TRPS1: variants seen among roughly 807,000 people sequenced by gnomAD.
TRPS1 encodes transcriptional repressor GATA binding 1, also known as zinc finger transcription factor Trps1.
Under a neutral mutation model 101.2 loss-of-function variants are expected in TRPS1, and 6 were observed. The ratio of observed to expected loss-of-function variants is 0.06; its 90% CI spans 0.03 to 0.12. The LOEUF is 0.12. Ranked by LOEUF, TRPS1 falls within the 10% of genes least tolerant of loss-of-function variation. The pLI, the probability that TRPS1 is intolerant of heterozygous loss-of-function variation, is 1.00. For missense variants in TRPS1, 1,363 were observed against 1,567.0 expected, an observed-to-expected ratio of 0.87 and a Z score of 2.20; for synonymous variants, 578 against 589.8, an observed-to-expected ratio of 0.98 and a Z score of 0.29.
At chr8:115,625,261 C>A (rs4484726) in intron 1 of TRPS1, among the ~76,000 whole-genome samples, 11,712 of 151,864 alleles carry the variant, frequency 0.077, 1,459 homozygotes, top group African/African-American at 0.26. Context: ...AGTTTCTACA[C>A]CTGATTTAAA....
At chr8:115,491,445 C>T (rs934203013) in intron 5 of TRPS1, among the ~76,000 whole-genome samples, 1 of 152,060 alleles carries the variant, frequency 6.6e-6, no homozygotes, top group African/African-American at 2.4e-5. Context: ...TTGGCTTAAA[C>T]CTGAGAGTCT....
rs149141681 is a variant in TRPS1, at chr8:115,472,054, G to A, written c.2701-53602C>T. Reference sequence around the variant, plus strand: ...TCTACCATTCTGGGGTCTAGAGGACGATGGCCTTTTTCTCACAGCTCCACT... The same window carrying A: ...TCTACCATTCTGGGGTCTAGAGGACAATGGCCTTTTTCTCACAGCTCCACT... On this transcript the variant is annotated intron_variant, in intron 5 of 6. Transcript: ENST00000395715. 3.4e-3 allele frequency among the ~76,000 whole-genome samples: 511 copies of A among 152,300 alleles called. 2 individuals carry two copies. The highest frequency in any genetic ancestry group is 5.0e-3 in the Non-Finnish European group (342 of 68,024).
At chr8:115,636,588 A>G (rs1009661680) in intron 1 of TRPS1, among the ~76,000 whole-genome samples, 1 of 152,236 alleles carries the variant, frequency 6.6e-6, no homozygotes, top group Non-Finnish European at 1.5e-5. Flanking sequence ...CAAAATGAGC[A>G]GTGTAAACAG....
At position 115,411,118 on chromosome 8, in the gene TRPS1, CA is replaced by C. The variant is rs1812779294; in HGVS notation, c.*2904del. 6.6e-6 allele frequency: 1 copy of C among 151,480 alleles called. No individual in the cohort carries two copies. The highest frequency in any genetic ancestry group is 2.1e-4 in the South Asian group (1 of 4,818). The allele number at this position is 151,480 out of a possible 1,614,324, so 9.4% of individuals were successfully genotyped here. The stretch of plus-strand genomic sequence containing the variant: ...ACCAAAATATGTATAATAATGAAAG[CA>C]AAAAATGAAAATAAAATTATCAATA... On this transcript the variant is annotated 3_prime_UTR_variant, in exon 7 of 7. Transcript: ENST00000395715.
chr8:115,640,983 A>C (rs541374025), intron 1 of TRPS1, among the ~76,000 whole-genome samples: 1 of 152,278 alleles, frequency 6.6e-6, no homozygotes, highest in African/African-American at 2.4e-5. Flanking sequence ...TTTACTACCT[A>C]ACTTGGGGGT....
At chr8:115,605,210 T>C (rs1818009905) in intron 3 of TRPS1, among the ~76,000 whole-genome samples, 2 of 152,208 alleles carry the variant, frequency 1.3e-5, no homozygotes, top group African/African-American at 4.8e-5. Flanking sequence ...CATTATGTTA[T>C]ACACTGTAGG....
At chr8:115,632,629 T>C (rs1818672671) in intron 1 of TRPS1, among the ~76,000 whole-genome samples, 2 of 152,146 alleles carry the variant, frequency 1.3e-5, no homozygotes, top group Non-Finnish European at 2.9e-5. Context: ...TACCTGTTCA[T>C]ACAACAGAAT....
chr8:115,650,075 C>T (rs191973647), intron 1 of TRPS1, among the ~76,000 whole-genome samples: 1 of 152,270 alleles, frequency 6.6e-6, no homozygotes, highest in Non-Finnish European at 1.5e-5. Context: ...CTAAATTTCG[C>T]CTACTCACTT....
At chr8:115,594,516 TA>T (rs1223038923) in intron 4 of TRPS1, among the ~76,000 whole-genome samples, 1 of 152,054 alleles carries the variant, frequency 6.6e-6, no homozygotes, top group East Asian at 1.9e-4. Flanking sequence ...AAATTTTGAT[TA>T]AAAAACTAAA....
chr8:115,486,254 G>T lies in TRPS1; in HGVS notation c.2701-67802C>A, dbSNP rs188567083. Among the ~76,000 whole-genome samples, 252 of 152,166 alleles carry T rather than the reference G, an allele frequency of 1.7e-3. 1 individual carries two copies. The highest frequency in any genetic ancestry group is 5.8e-3 in the African/African-American group (242 of 41,510). Reference sequence around the variant, plus strand: ...TATTGTAATTGTTTCAGTGTGCTACGAACCACACTCATAAGGTAGCGTACT... The same window carrying T: ...TATTGTAATTGTTTCAGTGTGCTACTAACCACACTCATAAGGTAGCGTACT... On this transcript the variant is annotated intron_variant, in intron 5 of 6. Transcript: ENST00000395715.
At chr8:115,632,187 T>C (rs983391150) in intron 1 of TRPS1, among the ~76,000 whole-genome samples, 130 of 152,262 alleles carry the variant, frequency 8.5e-4, no homozygotes, top group African/African-American at 2.9e-3. Context: ...GAACATCATA[T>C]GGTATGTAAT....
At chr8:115,553,995 T>C (rs1816761233) in intron 5 of TRPS1, among the ~76,000 whole-genome samples, 1 of 152,188 alleles carries the variant, frequency 6.6e-6, no homozygotes, top group African/African-American at 2.4e-5. Flanking sequence ...CACTTACTTT[T>C]TTCCAAAAAT....
In TRPS1 at chr8:115,421,651, A is replaced by C. The variant is rs111425695; in HGVS notation, c.2701-3199T>G. On this transcript the variant is annotated intron_variant, in intron 5 of 6. Transcript: ENST00000395715. ...ACATGAAGTTACCTCCCATCTAAAC[A>C]AATTTAGTACTTTGGTAAGCCTAGT... Among the ~76,000 whole-genome samples, 625 of 152,328 alleles carry C rather than the reference A, an allele frequency of 4.1e-3. 5 individuals carry two copies. The highest frequency in any genetic ancestry group is 0.013 in the African/African-American group (557 of 41,570).
intron 5 of TRPS1, among the ~76,000 whole-genome samples, chr8:115,544,462 G>A (rs1200692228): frequency 6.6e-6 from 1 of 151,872 alleles, no homozygotes; most frequent in Non-Finnish European, 1.5e-5. Flanking sequence ...CATCTGCTGA[G>A]GATGTTGCTA....
At chr8:115,430,244 C>T (rs1372401840) in intron 5 of TRPS1, among the ~76,000 whole-genome samples, 1 of 152,110 alleles carries the variant, frequency 6.6e-6, no homozygotes, top group Non-Finnish European at 1.5e-5. Flanking sequence ...CCTACTTTCT[C>T]TGTATAGGTA....
At chr8:115,617,051 C>T (rs763565762) in intron 3 of TRPS1, among the ~76,000 whole-genome samples, 30 of 152,260 alleles carry the variant, frequency 2.0e-4, no homozygotes, top group African/African-American at 4.3e-4. Context: ...GATTAGCATT[C>T]GATCTACAAG....
intron 1 of TRPS1, among the ~76,000 whole-genome samples, chr8:115,646,889 A>G (rs1819036347): frequency 6.6e-6 from 1 of 152,196 alleles, no homozygotes; most frequent in Non-Finnish European, 1.5e-5. Context: ...TTTAAATACT[A>G]TAACTTATGA....
chr8:115,469,796 T>C (rs1393769294), intron 5 of TRPS1, among the ~76,000 whole-genome samples: 1 of 152,178 alleles, frequency 6.6e-6, no homozygotes, highest in African/African-American at 2.4e-5. Flanking sequence ...CCCAAAGTGC[T>C]GGGATTACAA....
At chr8:115,618,966 T>A (rs898756239) in intron 3 of TRPS1, among the ~76,000 whole-genome samples, 166 bp downstream of exon 3, 3 of 152,234 alleles carry the variant, frequency 2.0e-5, no homozygotes, top group Non-Finnish European at 4.4e-5. Flanking sequence ...TTTAGACAAC[T>A]CTGAATATAC....
Sources: allele counts gnomAD v4.1 joint callset (sites outside exome capture counted in the v4.1 genomes callset), GRCh38; gene constraint gnomAD v4.1.1; transcripts MANE v1.5; gene names NCBI Gene and HGNC (gene_info 2026-07-23, HGNC 2026-07-21).